Variants in COMMD1 observed in about 807,000 individuals in gnomAD.
The protein encoded by COMMD1 is COMM domain-containing protein 1.
Under a neutral mutation model 17.2 loss-of-function variants are expected in COMMD1, and 10 were observed. That is an observed-to-expected ratio of 0.58 (90% CI 0.36 to 0.99). The LOEUF is 0.99. COMMD1 is among the 50% of genes least tolerant of loss of function. The probability of loss-of-function intolerance (pLI) is 0.01; values close to 1 mark genes in which losing one functional copy is unlikely to be tolerated. For synonymous variants in COMMD1, 97 were observed against 91.6 expected (o/e 1.06, Z -0.34); for missense variants, 270 against 231.8 (o/e 1.17, Z -1.07).
intron 1 of COMMD1, among the ~76,000 whole-genome samples, chr2:61,961,648 C>T (rs770363524): frequency 6.6e-5 from 10 of 152,008 alleles, no homozygotes; most frequent in Non-Finnish European, 1.2e-4. Context: ...CCATATTTTT[C>T]CCTCTTCTAA....
chr2:61,997,917 A>T (rs953483104), intron 1 of COMMD1, among the ~76,000 whole-genome samples: 1 of 152,246 alleles, frequency 6.6e-6, no homozygotes, highest in Non-Finnish European at 1.5e-5. Context: ...TTTCATCTAT[A>T]TTGAAAACCT....
intron 2 of COMMD1, among the ~76,000 whole-genome samples, chr2:62,095,917 A>ACATACACACAGG (rs1671996184): frequency 1.4e-5 from 2 of 145,024 alleles, no homozygotes; most frequent in African/African-American, 5.1e-5. Context: ...GTATATATAC[A>ACATACACACAGG]TATATATATA....
At chr2:61,935,048 G>A (rs1467973904) in intron 1 of COMMD1, among the ~76,000 whole-genome samples, 1 of 152,198 alleles carries the variant, frequency 6.6e-6, no homozygotes, top group Non-Finnish European at 1.5e-5. Flanking sequence ...TGGCCATAAT[G>A]GTTGTATTAA....
At chr2:61,919,490 AT>A (rs112361188) in intron 1 of COMMD1, among the ~76,000 whole-genome samples, 10,497 of 114,582 alleles carry the variant, frequency 0.092, 735 homozygotes, top group African/African-American at 0.22. Context: ...TAATTTTTGT[AT>A]TTTTTTTTTT....
intron 2 of COMMD1, among the ~76,000 whole-genome samples, chr2:62,041,154 C>T (rs1312400891): frequency 6.6e-6 from 1 of 152,206 alleles, no homozygotes; most frequent in East Asian, 1.9e-4. Flanking sequence ...TGCAATATTA[C>T]ATTTAGTCAG....
rs1365144245 is a variant in COMMD1, at chr2:62,001,091, G to GT, written c.462+112dup. 1.0e-5 allele frequency: 11 copies of GT among 1,061,976 alleles called. No homozygotes were observed. In the Admixed American group the frequency reaches 2.0e-4, roughly 19 times the overall value. 65.8% of individuals were successfully genotyped at this position (1,061,976 alleles called of 1,614,324 possible). ...AATAACAGCAACAGGAAAAGACACT[G>GT]TTTCCTAGAATCCTTTTTCAGAGGT... On this transcript the variant is annotated intron_variant, in intron 2 of 2. Coordinates refer to ENST00000311832, the MANE Select transcript of COMMD1 (RefSeq NM_152516.4).
chr2:61,972,923 G>A (rs1671692891), intron 1 of COMMD1, among the ~76,000 whole-genome samples: 2 of 151,984 alleles, frequency 1.3e-5, no homozygotes, highest in African/African-American at 4.8e-5. Flanking sequence ...CGCCCGCTTC[G>A]GCCACCCAAA....
chr2:62,132,009 C>A (rs1264687692), intron 2 of COMMD1, among the ~76,000 whole-genome samples: 1 of 152,158 alleles, frequency 6.6e-6, no homozygotes, highest in African/African-American at 2.4e-5. Context: ...CTGCCTCAGC[C>A]TCCTGAGTAG....
Position 62,025,866 on chromosome 2 carries a change from A to T in COMMD1, c.462+24884A>T, listed in dbSNP as rs548238331. ...ACCATGCCCGGCTAATTTTTTTTTTATAGTTTTGATAGAGGTGGGGTTTCG... is the reference window on the plus strand; with the variant it reads ...ACCATGCCCGGCTAATTTTTTTTTTTTAGTTTTGATAGAGGTGGGGTTTCG... On this transcript the variant is annotated intron_variant, in intron 2 of 2. Coordinates refer to ENST00000311832, the MANE Select transcript of COMMD1 (RefSeq NM_152516.4). Among the ~76,000 whole-genome samples, 14 of 151,240 alleles carry T rather than the reference A, an allele frequency of 9.3e-5. 1 individual carries two copies. The South Asian group carries it at 2.9e-3, about 32-fold the overall frequency.
rs575036994 is a variant in COMMD1, at chr2:61,940,755, C to T, written c.180+34897C>T. ...CTGGAGTGCAGTGGCGCGAACTCCT[C>T]GGCTCACTGCAAGCTCCGCCTCCTG... On this transcript the variant is annotated intron_variant, in intron 1 of 2. Coordinates refer to ENST00000311832, the MANE Select transcript of COMMD1 (RefSeq NM_152516.4). Among the ~76,000 whole-genome samples the T allele has an allele frequency of 2.3e-4, 35 of 151,252 alleles. No homozygotes were observed. In the South Asian group the frequency reaches 3.6e-3, roughly 15 times the overall value.
upstream of COMMD1, chr2:61,888,623 G>A (rs1384323209): frequency 2.3e-6 from 3 of 1,303,398 alleles, no homozygotes; most frequent in Admixed American, 2.8e-5. Flanking sequence ...CCAGAAAGCG[G>A]CGCCGGCGTC....
At chr2:62,108,850 C>G (rs147449087) in intron 2 of COMMD1, among the ~76,000 whole-genome samples, 1 of 152,148 alleles carries the variant, frequency 6.6e-6, no homozygotes, top group Non-Finnish European at 1.5e-5. Flanking sequence ...GGGTGTGTGT[C>G]ACAAAATGTA....
chr2:62,032,282 C>A (rs1669927957), intron 2 of COMMD1, among the ~76,000 whole-genome samples: 1 of 152,132 alleles, frequency 6.6e-6, no homozygotes, highest in Admixed American at 6.5e-5. Context: ...ACACCTGTAA[C>A]CCCAGCACTC....
chr2:62,033,644 A>G (rs752697329), intron 2 of COMMD1, among the ~76,000 whole-genome samples: 2 of 152,016 alleles, frequency 1.3e-5, no homozygotes, highest in Non-Finnish European at 2.9e-5. Flanking sequence ...AATACTTCAA[A>G]TATTTGTTTG....
chr2:62,031,399 T>C (rs1459345947), intron 2 of COMMD1, among the ~76,000 whole-genome samples: 2 of 152,254 alleles, frequency 1.3e-5, no homozygotes, highest in East Asian at 3.8e-4. Context: ...CCAACTCTGT[T>C]GCTACAGAGC....
chr2:62,081,443 G>T (rs2103979452), intron 2 of COMMD1, among the ~76,000 whole-genome samples: 1 of 43,006 alleles, frequency 2.3e-5, no homozygotes, highest in Admixed American at 2.0e-4. Flanking sequence ...TAGAGACGGG[G>T]TTTCTCCATG....
chr2:62,089,534 C>T (rs531657150), intron 2 of COMMD1, among the ~76,000 whole-genome samples: 8 of 152,198 alleles, frequency 5.3e-5, no homozygotes, highest in African/African-American at 1.7e-4. Flanking sequence ...TCACCTGCCT[C>T]GGCCTCTCAA....
intron 2 of COMMD1, among the ~76,000 whole-genome samples, chr2:62,081,807 A>T (rs1335230753): frequency 6.6e-6 from 1 of 151,932 alleles, no homozygotes; most frequent in East Asian, 1.9e-4. Flanking sequence ...TTTGTTAATG[A>T]TTTTTTTCTT....
chr2:61,977,242 T>A lies in COMMD1; in HGVS notation c.181-23459T>A, dbSNP rs549843598. Among the ~76,000 whole-genome samples the A allele has an allele frequency of 4.2e-3, 318 of 75,050 alleles. 2 individuals are homozygous for A. Among genetic ancestry groups the A allele is most frequent in the Admixed American group, 0.031 (284 of 9,140 alleles). The allele number at this position is 75,050 out of a possible 152,430, so 49.2% of individuals were successfully genotyped here. A position where few individuals can be genotyped will look rare whatever the true frequency, so the allele number is the denominator to read the frequency against. ...AACTGCTGTAAAAAATAAAGTTTGCTTTTTTTTTTTTTTTTTTTTTTGAGA... is the reference window on the plus strand; with the variant it reads ...AACTGCTGTAAAAAATAAAGTTTGCATTTTTTTTTTTTTTTTTTTTTGAGA... On this transcript the variant is annotated intron_variant, in intron 1 of 2. Coordinates refer to ENST00000311832, the MANE Select transcript of COMMD1 (RefSeq NM_152516.4).
Sources: gnomAD v4.1 joint callset for allele counts (sites outside exome capture counted in the v4.1 genomes callset) on GRCh38, gnomAD v4.1.1 for gene constraint, MANE v1.5 for transcripts, NCBI Gene and HGNC (gene_info 2026-07-23, HGNC 2026-07-21) for gene names.